Variants in TRIM71 observed in about 807,000 individuals in gnomAD.
The protein encoded by TRIM71 is tripartite motif containing 71, also known as E3 ubiquitin-protein ligase TRIM71.
In TRIM71, 9 loss-of-function variants were observed where a neutral mutation model predicts 61.2. That is an observed-to-expected ratio of 0.15 (90% confidence interval 0.09 to 0.26). The LOEUF (loss-of-function observed/expected upper bound fraction) is 0.26, where lower values mean the gene tolerates loss of function less well. Ranked by LOEUF, TRIM71 falls within the 10% of genes least tolerant of loss-of-function variation. TRIM71 has a pLI of 1.00. For missense variants in TRIM71, 998 were observed against 1,238.7 expected (o/e 0.81, Z 2.92); for synonymous variants, 645 against 553.2 (o/e 1.17, Z -2.33).
chr3:32,859,861 T>G (rs1696645295), intron 1 of TRIM71, among the ~76,000 whole-genome samples: 1 of 152,128 alleles, frequency 6.6e-6, no homozygotes, highest in Non-Finnish European at 1.5e-5. Flanking sequence ...AGTAACATGG[T>G]TCCTGGTTTG....
chr3:32,828,231 A>G (rs1051109678), intron 1 of TRIM71, among the ~76,000 whole-genome samples: 2 of 152,158 alleles, frequency 1.3e-5, no homozygotes, highest in Non-Finnish European at 2.9e-5. Flanking sequence ...ATTTGTACTG[A>G]AAATGCTTCC....
intron 1 of TRIM71, among the ~76,000 whole-genome samples, chr3:32,841,190 A>G (rs1381650955): frequency 6.6e-6 from 1 of 152,086 alleles, no homozygotes; most frequent in Non-Finnish European, 1.5e-5. Flanking sequence ...GCTTGCAGTG[A>G]GCTGAGATCG....
intron 1 of TRIM71, among the ~76,000 whole-genome samples, chr3:32,835,274 GTTCTGTAGC>G (rs1350391944): frequency 6.6e-6 from 1 of 152,184 alleles, no homozygotes; most frequent in Non-Finnish European, 1.5e-5. Flanking sequence ...AGGTGTAACA[GTTCTGTAGC>G]TTCAGCAGGT....
chr3:32,824,782 C>T (rs1696182015), intron 1 of TRIM71, among the ~76,000 whole-genome samples: 1 of 152,200 alleles, frequency 6.6e-6, no homozygotes, highest in South Asian at 2.1e-4. Flanking sequence ...CCTCGCTGGG[C>T]TAGATAGTCC....
intron 1 of TRIM71, among the ~76,000 whole-genome samples, chr3:32,825,097 T>C (rs183003184): frequency 1.9e-3 from 286 of 152,280 alleles, no homozygotes; most frequent in African/African-American, 6.6e-3. Flanking sequence ...GCCTGGCCCT[T>C]AGGTAGTCCT....
intron 1 of TRIM71, among the ~76,000 whole-genome samples, chr3:32,873,190 G>A: frequency 6.7e-6 from 1 of 150,236 alleles, no homozygotes; most frequent in Non-Finnish European, 1.5e-5. Flanking sequence ...GGAATAACTT[G>A]GCATGAAGAA....
At chr3:32,835,535 G>C (rs1302781945) in intron 1 of TRIM71, among the ~76,000 whole-genome samples, 1 of 152,164 alleles carries the variant, frequency 6.6e-6, no homozygotes, top group Admixed American at 6.5e-5. Flanking sequence ...ACATTTAAGG[G>C]TTTTGGGAAA....
intron 1 of TRIM71, among the ~76,000 whole-genome samples, chr3:32,837,898 T>G (rs1453863150): frequency 6.6e-6 from 1 of 152,188 alleles, no homozygotes; most frequent in Non-Finnish European, 1.5e-5. Context: ...TTTAAGACAT[T>G]TGCTGTTTCA....
intron 1 of TRIM71, among the ~76,000 whole-genome samples, chr3:32,845,816 G>A (rs569883423): frequency 2.0e-4 from 31 of 151,880 alleles, no homozygotes; most frequent in African/African-American, 4.1e-4. Context: ...CGCCTCCCGG[G>A]TTCAAGTGAT....
intron 1 of TRIM71, among the ~76,000 whole-genome samples, chr3:32,847,107 C>T (rs924328587): frequency 6.6e-6 from 1 of 152,016 alleles, no homozygotes; most frequent in Non-Finnish European, 1.5e-5. Context: ...TCTCTGCAAC[C>T]TCCGCCTCCC....
rs1480818423 is a variant in TRIM71, at chr3:32,818,092, C to T, written c.12C>T (p.Phe4=). 6.2e-7 allele frequency: 1 copy of T among 1,610,378 alleles called. No individual in the cohort carries two copies. The highest frequency in any genetic ancestry group is 1.7e-5 in the Admixed American group (1 of 59,930). MAS[F]PETDFQICLL... is the part of the protein sequence containing the mutation. ...GGGCTGGGTTGCAAATGGCTTCGTT[C>T]CCCGAGACCGATTTCCAGATCTGCT... Residue 4 remains phenylalanine, a synonymous_variant, in exon 1 of 4, where the codon TTC becomes TTT. Coordinates refer to ENST00000383763, the MANE Select transcript of TRIM71 (RefSeq NM_001039111.3).
intron 1 of TRIM71, among the ~76,000 whole-genome samples, chr3:32,850,265 A>T (rs1197979633): frequency 2.0e-5 from 3 of 151,958 alleles, no homozygotes; most frequent in Admixed American, 2.0e-4. Flanking sequence ...GGGAATACAG[A>T]TTTTTTTTTG....
intron 1 of TRIM71, among the ~76,000 whole-genome samples, chr3:32,819,363 T>G (rs1251863638): frequency 6.6e-6 from 1 of 152,122 alleles, no homozygotes; most frequent in African/African-American, 2.4e-5. Flanking sequence ...ACTCATAGAT[T>G]GTTGCCTTTA....
intron 1 of TRIM71, among the ~76,000 whole-genome samples, chr3:32,866,399 C>G (rs1283660160): frequency 6.6e-6 from 1 of 152,052 alleles, no homozygotes; most frequent in African/African-American, 2.4e-5. Flanking sequence ...GGCCTGCCCC[C>G]ACACTAATTT....
intron 1 of TRIM71, among the ~76,000 whole-genome samples, chr3:32,846,001 G>T (rs201275754): frequency 1.1e-5 from 1 of 93,368 alleles, no homozygotes; most frequent in East Asian, 1.5e-3. Context: ...AAACGGAGTT[G>T]GAGACTATGG....
Position 32,870,551 on chromosome 3 carries a change from G to T in TRIM71, c.853-3267G>T, listed in dbSNP as rs148248958. On this transcript the variant is annotated intron_variant, in intron 1 of 3. Transcript: ENST00000383763. The stretch of plus-strand genomic sequence containing the variant: ...GGGCTCTCAAGGCTGGTCACAGGAG[G>T]GCTCTGGTGTCGGCTCAGGGCACCC... 7.0e-3 allele frequency among the ~76,000 whole-genome samples: 1,061 copies of T among 152,158 alleles called. 8 individuals carry two copies. Among genetic ancestry groups the T allele is most frequent in the Middle Eastern group, 0.034 (10 of 294 alleles).
At chr3:32,828,606 C>G (rs73044137) in intron 1 of TRIM71, among the ~76,000 whole-genome samples, 1,709 of 147,162 alleles carry the variant, frequency 0.012, 12 homozygotes, top group African/African-American at 0.016. Flanking sequence ...CTTCCCGGCT[C>G]AAGTGATCCT....
intron 1 of TRIM71, among the ~76,000 whole-genome samples, chr3:32,847,995 T>A (rs1269311197): frequency 3.9e-5 from 6 of 152,220 alleles, no homozygotes; most frequent in African/African-American, 1.4e-4. Flanking sequence ...GGGAGGATGT[T>A]CATGGGTTGT....
chr3:32,868,112 A>G (rs892963497), intron 1 of TRIM71, among the ~76,000 whole-genome samples: 2 of 152,042 alleles, frequency 1.3e-5, no homozygotes, highest in Non-Finnish European at 2.9e-5. Flanking sequence ...GTTGGCACCC[A>G]TCAAAGCCTT....
Sources: allele counts gnomAD v4.1 joint callset (sites outside exome capture counted in the v4.1 genomes callset), GRCh38; gene constraint gnomAD v4.1.1; transcripts MANE v1.5; gene names NCBI Gene and HGNC (gene_info 2026-07-23, HGNC 2026-07-21).